The following PRKCI variants were observed in gnomAD, a reference collection of about 807,000 sequenced individuals.
PRKCI encodes protein kinase C iota, also known as protein kinase C iota type.
Under a neutral mutation model 84.0 loss-of-function variants are expected in PRKCI, and 43 were observed. That is an observed-to-expected ratio of 0.51 (90% confidence interval 0.40 to 0.66). The LOEUF is 0.66. PRKCI is among the 30% of genes least tolerant of loss of function. The probability of loss-of-function intolerance (pLI) is 0.00; values close to 1 mark genes in which losing one functional copy is unlikely to be tolerated. For missense variants in PRKCI, 459 were observed against 745.6 expected, an observed-to-expected ratio of 0.62 and a Z score of 4.48; for synonymous variants, 216 against 234.4, an observed-to-expected ratio of 0.92 and a Z score of 0.72.
intron 2 of PRKCI, among the ~76,000 whole-genome samples, chr3:170,249,769 C>T (rs1305266779): frequency 6.7e-6 from 1 of 149,330 alleles, no homozygotes; most frequent in African/African-American, 2.5e-5. Context: ...TGCATTCCAG[C>T]TTAGACAACA....
At chr3:170,288,787 A>G (rs1734466181) in intron 12 of PRKCI, among the ~76,000 whole-genome samples, 1 of 152,250 alleles carries the variant, frequency 6.6e-6, no homozygotes, top group Admixed American at 6.5e-5. Context: ...AAAATAAAAA[A>G]TAAAGCTTAT....
intron 11 of PRKCI, among the ~76,000 whole-genome samples, chr3:170,283,495 G>A (rs945177689): frequency 6.6e-6 from 1 of 152,016 alleles, no homozygotes; most frequent in Non-Finnish European, 1.5e-5. Context: ...TGGGTTTTTT[G>A]TTTATTTGGG....
At chr3:170,237,568 C>CT (rs1047395859) in intron 2 of PRKCI, among the ~76,000 whole-genome samples, 56 of 152,238 alleles carry the variant, frequency 3.7e-4, no homozygotes, top group Non-Finnish European at 5.6e-4. Context: ...AAATATACTA[C>CT]TTTTTTTACA....
At chr3:170,244,276 TC>T (rs1733212857) in intron 2 of PRKCI, among the ~76,000 whole-genome samples, 1 of 151,996 alleles carries the variant, frequency 6.6e-6, no homozygotes, top group African/African-American at 2.4e-5. Flanking sequence ...TCAGCCTACC[TC>T]CCCCTTATTT....
intron 8 of PRKCI, 93 bp downstream of exon 8, chr3:170,275,380 T>C: frequency 8.6e-7 from 1 of 1,163,766 alleles, no homozygotes; most frequent in Non-Finnish European, 1.2e-6. Context: ...GCTTAGACTT[T>C]AGATCATAAT....
At chr3:170,293,664 T>C (rs1304331049) in intron 14 of PRKCI, among the ~76,000 whole-genome samples, 156 bp downstream of exon 14, 1 of 152,182 alleles carries the variant, frequency 6.6e-6, no homozygotes, top group Non-Finnish European at 1.5e-5. Flanking sequence ...TGTTTTTGTT[T>C]GTTTTTGAGA....
At chr3:170,276,668 C>T (rs764782176) in intron 8 of PRKCI, among the ~76,000 whole-genome samples, 17 of 152,128 alleles carry the variant, frequency 1.1e-4, no homozygotes, top group Non-Finnish European at 1.8e-4. Context: ...AATGTAATAC[C>T]TCAAACTATA....
intron 1 of PRKCI, among the ~76,000 whole-genome samples, chr3:170,228,186 G>A (rs1043104910): frequency 1.3e-5 from 2 of 152,186 alleles, no homozygotes; most frequent in African/African-American, 4.8e-5. Context: ...CAAGCACTGT[G>A]CTTGACAGCT....
intron 8 of PRKCI, 92 bp from the exon 9 acceptor site, chr3:170,280,133 CTT>C: frequency 9.1e-7 from 1 of 1,100,948 alleles, no homozygotes; most frequent in Non-Finnish European, 1.2e-6. Flanking sequence ...AGGAAAATAT[CTT>C]TAAATCGTTA....
chr3:170,266,470 T>G (rs923804710), intron 4 of PRKCI, among the ~76,000 whole-genome samples: 5 of 152,070 alleles, frequency 3.3e-5, no homozygotes, highest in African/African-American at 1.2e-4. Flanking sequence ...CCAAAGGTAT[T>G]TAATACTGCC....
At chr3:170,259,069 AG>A (rs933706350) in intron 2 of PRKCI, among the ~76,000 whole-genome samples, 55 of 152,082 alleles carry the variant, frequency 3.6e-4, no homozygotes, top group Admixed American at 3.5e-3. Context: ...GCTTGAACCC[AG>A]GAGGCGGAGG....
At chr3:170,250,443 C>CA (rs1407109059) in intron 2 of PRKCI, among the ~76,000 whole-genome samples, 2 of 104,526 alleles carry the variant, frequency 1.9e-5, no homozygotes, top group African/African-American at 3.6e-5. Context: ...CCCCCCCCCC[C>CA]CAAAAAAAAA....
chr3:170,278,145 G>A (rs142973820), intron 8 of PRKCI, among the ~76,000 whole-genome samples: 2 of 152,206 alleles, frequency 1.3e-5, no homozygotes, highest in East Asian at 3.9e-4. Flanking sequence ...GTTAAGTGGC[G>A]TCTATCATTT....
intron 1 of PRKCI, among the ~76,000 whole-genome samples, chr3:170,233,978 C>T (rs1387271460): frequency 6.7e-6 from 1 of 150,084 alleles, no homozygotes; most frequent in Non-Finnish European, 1.5e-5. Flanking sequence ...ACCTCAGCCT[C>T]CCAAAGTACT....
chr3:170,250,176 G>A (rs1343542486), intron 2 of PRKCI, among the ~76,000 whole-genome samples: 1 of 151,842 alleles, frequency 6.6e-6, no homozygotes, highest in Non-Finnish European at 1.5e-5. Context: ...GGGAGGTTGA[G>A]GCAGGAGAAT....
At chr3:170,281,352 G>A (rs1207589465) in intron 10 of PRKCI, 89 bp downstream of exon 10, 38 of 1,018,794 alleles carry the variant, frequency 3.7e-5, no homozygotes, top group Non-Finnish European at 4.8e-5. Context: ...AATTCATGAA[G>A]TTGATATCAT....
At chr3:170,278,402 A>G (rs1022339240) in intron 8 of PRKCI, among the ~76,000 whole-genome samples, 9 of 152,220 alleles carry the variant, frequency 5.9e-5, no homozygotes, top group East Asian at 1.9e-4. Context: ...GCTCACACCT[A>G]TAATCCTAGG....
chr3:170,257,597 C>G (rs1338554919), intron 2 of PRKCI, among the ~76,000 whole-genome samples: 1 of 151,696 alleles, frequency 6.6e-6, no homozygotes, highest in Non-Finnish European at 1.5e-5. Flanking sequence ...GTTTTAGTCT[C>G]TAGTTTTACT....
At chr3:170,265,868 A>G (rs1256008785) in intron 4 of PRKCI, among the ~76,000 whole-genome samples, 3 of 151,668 alleles carry the variant, frequency 2.0e-5, no homozygotes, top group East Asian at 1.9e-4. Flanking sequence ...TGATCTGCCC[A>G]CCTCGGCCTC....
Sources: gnomAD v4.1 joint callset for allele counts (sites outside exome capture counted in the v4.1 genomes callset) on GRCh38, gnomAD v4.1.1 for gene constraint, MANE v1.5 for transcripts, NCBI Gene and HGNC (gene_info 2026-07-23, HGNC 2026-07-21) for gene names.